Variants in VPS13B observed in about 807,000 individuals in gnomAD.
VPS13B encodes intermembrane lipid transfer protein VPS13B.
In VPS13B, 285 loss-of-function variants were observed where a neutral mutation model predicts 426.4. The observed-to-expected ratio is 0.67, with a 90% CI of 0.61 to 0.74. The LOEUF (loss-of-function observed/expected upper bound fraction) is 0.74. Among genes scored for constraint, VPS13B ranks in the 30% least tolerant of loss-of-function variants. The pLI, the probability that VPS13B is intolerant of heterozygous loss-of-function variation, is 0.00. For synonymous variants in VPS13B, 1,676 were observed against 1,676.4 expected, an observed-to-expected ratio of 1.00 and a Z score of 0.01; for missense variants, 4,537 against 4,782.6, an observed-to-expected ratio of 0.95 and a Z score of 1.51.
chr8:99,758,025 C>T (rs1810732168), intron 39 of VPS13B, among the ~76,000 whole-genome samples: 1 of 152,148 alleles, frequency 6.6e-6, no homozygotes, highest in South Asian at 2.1e-4. Context: ...GCACCAAACT[C>T]TTGGAATAGT....
At chr8:99,527,902 C>T (rs1037514041) in intron 30 of VPS13B, 2 of 151,868 alleles carry the variant, frequency 1.3e-5, no homozygotes, top group Non-Finnish European at 2.9e-5. Context: ...TTCTCCAATT[C>T]CACTGCTTCA....
In VPS13B at chr8:99,314,731, G is replaced by A. The variant is rs1170152219; in HGVS notation, c.2824+39477G>A. On this transcript the variant is annotated intron_variant, in intron 19 of 61. Coordinates refer to ENST00000357162, the MANE Select transcript of VPS13B (RefSeq NM_152564.5). The stretch of plus-strand genomic sequence containing the variant: ...CTCCGTAAGTACTGGGATTATGAGC[G>A]AGAACCACTACAGCCAGCTTATCTC... Among the ~76,000 whole-genome samples the A allele has an allele frequency of 3.9e-5, 6 of 152,166 alleles. No individual in the cohort carries two copies. The East Asian group carries it at 7.7e-4, about 20-fold the overall frequency.
chr8:99,731,971 A>C (rs939580663), intron 39 of VPS13B, among the ~76,000 whole-genome samples: 1 of 152,162 alleles, frequency 6.6e-6, no homozygotes, highest in African/African-American at 2.4e-5. Context: ...TGAAAAGTTA[A>C]ATGGGGGACC....
At chr8:99,408,263 G>A (rs1156521729) in intron 21 of VPS13B, among the ~76,000 whole-genome samples, 2 of 152,164 alleles carry the variant, frequency 1.3e-5, no homozygotes, top group African/African-American at 2.4e-5. Context: ...ACTGTAGGGA[G>A]AAAAGTGTAG....
intron 33 of VPS13B, among the ~76,000 whole-genome samples, chr8:99,605,557 A>C (rs1029016118): frequency 6.6e-6 from 1 of 152,174 alleles, no homozygotes; most frequent in African/African-American, 2.4e-5. Flanking sequence ...GTTCTAAAAT[A>C]TTTTCTGAAA....
At chr8:99,352,903 A>ATTG (rs1351179957) in intron 19 of VPS13B, among the ~76,000 whole-genome samples, 6 of 152,272 alleles carry the variant, frequency 3.9e-5, no homozygotes, top group Middle Eastern at 3.4e-3. Flanking sequence ...GTATGCAATA[A>ATTG]TAGCATAGTT....
At chr8:99,496,663 A>T (rs932959135) in intron 25 of VPS13B, among the ~76,000 whole-genome samples, 1 of 152,092 alleles carries the variant, frequency 6.6e-6, no homozygotes, top group Non-Finnish European at 1.5e-5. Flanking sequence ...GAAAAAAAAA[A>T]GCACTAACAT....
At chr8:99,729,352 CA>C (rs1833493477) in intron 39 of VPS13B, among the ~76,000 whole-genome samples, 1 of 152,170 alleles carries the variant, frequency 6.6e-6, no homozygotes, top group African/African-American at 2.4e-5. Flanking sequence ...CTGGAAAAGA[CA>C]TTCTGCTCTG....
At chr8:99,413,387 G>C (rs1301166036) in intron 21 of VPS13B, among the ~76,000 whole-genome samples, 1 of 152,076 alleles carries the variant, frequency 6.6e-6, no homozygotes, top group African/African-American at 2.4e-5. Context: ...TTGTATTTCT[G>C]TGGGATCAGT....
intron 31 of VPS13B, among the ~76,000 whole-genome samples, chr8:99,572,804 T>A (rs1407495623): frequency 2.6e-5 from 4 of 152,224 alleles, no homozygotes; most frequent in Non-Finnish European, 5.9e-5. Context: ...TTATAATCCT[T>A]TGGGTATATA....
chr8:99,391,669 A>G lies in VPS13B; in HGVS notation c.3047A>G (p.Tyr1016Cys). 6.2e-7 allele frequency: 1 copy of G among 1,614,094 alleles called. No homozygotes were observed. The highest frequency in any genetic ancestry group is 1.7e-5 in the Admixed American group (1 of 60,020). The change falls in exon 21 of 62, where the codon TAT becomes TGT. Residue 1016 changes from tyrosine (Y) to cysteine (C), a missense_variant. Physicochemically the swap from Tyr to Cys is radical, Grantham distance 194 (BLOSUM62 -2). This residue lies in a region of VPS13B where 4,311 missense variants were observed against 4,474.3 expected (regional missense o/e 0.96). Coordinates refer to ENST00000357162, the MANE Select transcript of VPS13B (RefSeq NM_152564.5). ...AKQQSYQASE[Y>C]ASSPVKTKTV... ...CAGCAATCATATCAGGCCTCTGAAT[A>G]TGCCAGCAGCCCTGTAAAAACAAAA... is the stretch of plus-strand genomic sequence containing the variant.
chr8:99,312,677 G>T (rs1168656902), intron 19 of VPS13B, among the ~76,000 whole-genome samples: 2 of 152,128 alleles, frequency 1.3e-5, no homozygotes, highest in Non-Finnish European at 1.5e-5. Context: ...GAGTATCTTT[G>T]TGGCGTTCTC....
intron 29 of VPS13B, among the ~76,000 whole-genome samples, chr8:99,517,595 G>A (rs1218379619): frequency 6.6e-6 from 1 of 152,088 alleles, no homozygotes; most frequent in Non-Finnish European, 1.5e-5. Flanking sequence ...TACATTATGT[G>A]CAGTTACTAT....
chr8:99,251,244 C>T (rs1477807869), intron 17 of VPS13B, among the ~76,000 whole-genome samples: 2 of 152,138 alleles, frequency 1.3e-5, no homozygotes, highest in African/African-American at 2.4e-5. Context: ...GGCTTTGTTC[C>T]AGTCATAATG....
chr8:99,295,299 G>A (rs1461996871), intron 19 of VPS13B, among the ~76,000 whole-genome samples: 3 of 152,062 alleles, frequency 2.0e-5, no homozygotes, highest in Non-Finnish European at 4.4e-5. Flanking sequence ...AAGGAAAAAA[G>A]ATTAATGAAA....
chr8:99,370,852 C>T (rs575313985), intron 19 of VPS13B, among the ~76,000 whole-genome samples: 4 of 152,094 alleles, frequency 2.6e-5, no homozygotes, highest in South Asian at 2.1e-4. Flanking sequence ...TCAAGTCATC[C>T]GCCCATCTCG....
chr8:99,034,140 T>C (rs1309952271), intron 2 of VPS13B, among the ~76,000 whole-genome samples: 1 of 152,218 alleles, frequency 6.6e-6, no homozygotes, highest in African/African-American at 2.4e-5. Flanking sequence ...GAGATGGTTG[T>C]TGTTTCAGGA....
chr8:99,589,026 G>A (rs1443012808), intron 33 of VPS13B, among the ~76,000 whole-genome samples: 1 of 151,700 alleles, frequency 6.6e-6, no homozygotes, highest in Non-Finnish European at 1.5e-5. Context: ...GAATTTTGTT[G>A]AAGACCTTTT....
rs1431957435 is a variant in VPS13B, at chr8:99,135,103, A to C, written c.1391A>C (p.Lys464Thr). ...AMCLKGIMGV[K>T]DFEENMNRSE... ...TGCCTTAAAGGAATTATGGGTGTTA[A>C]AGATTTTGAAGAGAATATGAATAGA... Residue 464 changes from lysine to threonine, a missense_variant, in exon 10 of 62, where the codon AAA becomes ACA. By Grantham distance (78) the Lys-to-Thr change is moderately conservative (BLOSUM62 -1). Transcript: ENST00000357162. 9 of 1,613,412 alleles carry C rather than the reference A, an allele frequency of 5.6e-6. No individual in the cohort carries two copies. The Admixed American group carries it at 1.5e-4, about 27-fold the overall frequency.
Sources: gnomAD v4.1 joint callset for allele counts (sites outside exome capture counted in the v4.1 genomes callset) on GRCh38, gnomAD v4.1.1 for gene constraint, gnomAD v4.1.1 regional missense constraint, MANE v1.5 for transcripts, NCBI Gene and HGNC (gene_info 2026-07-23, HGNC 2026-07-21) for gene names.